Variants in SYNPR observed in about 807,000 individuals in gnomAD.
The protein encoded by SYNPR is synaptoporin.
In SYNPR, 23 loss-of-function variants were observed where a neutral mutation model predicts 32.9. That is an observed-to-expected ratio of 0.70 (90% CI 0.50 to 0.99). SYNPR has a LOEUF of 0.99. SYNPR is among the 50% of genes least tolerant of loss of function. The pLI is 0.00. For synonymous variants in SYNPR, 146 were observed against 135.9 expected (o/e 1.07, Z -0.52); for missense variants, 318 against 349.3 (o/e 0.91, Z 0.71).
rs764045608 is a variant in SYNPR, at chr3:63,556,680, C to G, written c.347C>G (p.Ala116Gly). The G allele has an allele frequency of 6.2e-7, 1 of 1,613,850 alleles. No individual in the cohort carries two copies. Among genetic ancestry groups the G allele is most frequent in the Admixed American group, 1.7e-5 (1 of 60,000 alleles). ...AVFAFLYSLAATVVYIFFQNK... is the reference protein window; with the variant it reads ...AVFAFLYSLAGTVVYIFFQNK... ...TTCGCCTTCCTCTACTCTTTGGCTG[C>G]CACTGTCGTTTACATTTTCTTCCAG... Residue 116 changes from alanine (A) to glycine (G), a missense_variant, in exon 4 of 6, where the codon GCC (alanine) becomes GGC (glycine). Physicochemically the swap from Ala to Gly is moderately conservative, Grantham distance 60 (BLOSUM62 0). Transcript: ENST00000478300.
the SYNPR span, among the ~76,000 whole-genome samples, chr3:63,219,696 T>G: frequency 6.6e-6 from 1 of 152,178 alleles, no homozygotes; most frequent in Non-Finnish European, 1.5e-5. Flanking sequence ...AAAATATTAT[T>G]TAAAATTCAT....
At position 63,461,062 on chromosome 3, in the gene SYNPR, A is replaced by G. The variant is rs1700575786; in HGVS notation, c.85-19770A>G. 2.0e-5 allele frequency among the ~76,000 whole-genome samples: 3 copies of G among 151,818 alleles called. 1 individual carries two copies. Among genetic ancestry groups the G allele is most frequent in the Admixed American group, 2.0e-4 (3 of 15,216 alleles). On this transcript the variant is annotated intron_variant, in intron 2 of 5. Coordinates refer to ENST00000478300, the MANE Select transcript of SYNPR (RefSeq NM_001130003.2). Reference sequence around the variant, plus strand: ...AGGTTTGTTTTTTTTTTACTTTGGGAGGTACCATGGGCTGCGCTTGGGCAC... The same window carrying G: ...AGGTTTGTTTTTTTTTTACTTTGGGGGGTACCATGGGCTGCGCTTGGGCAC...
intron 4 of SYNPR, among the ~76,000 whole-genome samples, chr3:63,575,651 A>G (rs1236590297): frequency 6.6e-6 from 1 of 152,170 alleles, no homozygotes; most frequent in Non-Finnish European, 1.5e-5. Flanking sequence ...CTCAAAGGAA[A>G]TTTAATCAAA....
intron 4 of SYNPR, among the ~76,000 whole-genome samples, chr3:63,597,784 T>TGGAAGTC (rs1392896707): frequency 2.6e-5 from 4 of 152,230 alleles, no homozygotes. Flanking sequence ...AGGTGCTCCC[T>TGGAAGTC]GGAAGTCAGT....
chr3:63,582,795 G>A (rs73120742), intron 4 of SYNPR, among the ~76,000 whole-genome samples: 2,096 of 152,112 alleles, frequency 0.014, 18 homozygotes, highest in Non-Finnish European at 0.022. Context: ...TTACTAGCTG[G>A]TTAACCCTGG....
chr3:63,238,376 A>G (rs1441632062), intron 1 of SYNPR, among the ~76,000 whole-genome samples: 1 of 152,000 alleles, frequency 6.6e-6, no homozygotes, highest in African/African-American at 2.4e-5. Context: ...TTCAGTTTCT[A>G]CCTGCCAGAG....
At chr3:63,545,830 T>C (rs1702392572) in intron 3 of SYNPR, among the ~76,000 whole-genome samples, 1 of 152,154 alleles carries the variant, frequency 6.6e-6, no homozygotes, top group South Asian at 2.1e-4. Flanking sequence ...TTAAAATCAA[T>C]TTGACCTAAA....
chr3:63,363,365 T>G (rs17068326), intron 2 of SYNPR, among the ~76,000 whole-genome samples: 3,715 of 152,332 alleles, frequency 0.024, 136 homozygotes, highest in African/African-American at 0.084. Flanking sequence ...CCTTTCAGGA[T>G]CAGCAAGGCT....
intron 4 of SYNPR, among the ~76,000 whole-genome samples, chr3:63,573,735 G>T (rs1432097834): frequency 1.3e-5 from 2 of 152,128 alleles, no homozygotes; most frequent in African/African-American, 2.4e-5. Flanking sequence ...CCATCTCATT[G>T]TTCTATGTCA....
chr3:63,358,898 C>T (rs542571580), intron 2 of SYNPR, among the ~76,000 whole-genome samples: 1 of 152,276 alleles, frequency 6.6e-6, no homozygotes, highest in South Asian at 2.1e-4. Flanking sequence ...GGCAGTCTGA[C>T]ATTAGAACTG....
intron 2 of SYNPR, among the ~76,000 whole-genome samples, chr3:63,332,004 G>A (rs1431917257): frequency 1.3e-5 from 2 of 152,132 alleles, no homozygotes; most frequent in Non-Finnish European, 2.9e-5. Context: ...AGTTGTCTTC[G>A]ACTGGTAGGC....
intron 4 of SYNPR, among the ~76,000 whole-genome samples, chr3:63,604,798 T>C (rs1334242431): frequency 6.6e-6 from 1 of 152,214 alleles, no homozygotes; most frequent in African/African-American, 2.4e-5. Context: ...CTTGTTGCTG[T>C]TGTAAGGGCA....
chr3:63,407,314 A>G (rs1219421257), intron 2 of SYNPR, among the ~76,000 whole-genome samples: 1 of 152,188 alleles, frequency 6.6e-6, no homozygotes, highest in Non-Finnish European at 1.5e-5. Flanking sequence ...CAAGCTCAAA[A>G]AATGCTTGAA....
chr3:63,239,856 G>T (rs2086228258), intron 1 of SYNPR, among the ~76,000 whole-genome samples: 1 of 150,566 alleles, frequency 6.6e-6, no homozygotes, highest in South Asian at 2.1e-4. Context: ...TCCCACCATT[G>T]TCAAGTGTGT....
intron 2 of SYNPR, among the ~76,000 whole-genome samples, chr3:63,323,228 A>G (rs561371705): frequency 4.6e-5 from 7 of 151,994 alleles, no homozygotes; most frequent in Non-Finnish European, 1.0e-4. Flanking sequence ...TAAGGGCATA[A>G]TACTCAAAAC....
chr3:63,588,670 G>T (rs1166813793), intron 4 of SYNPR, among the ~76,000 whole-genome samples: 1 of 151,946 alleles, frequency 6.6e-6, no homozygotes, highest in Non-Finnish European at 1.5e-5. Context: ...CAATTTTTTG[G>T]AAAGGATGCT....
At chr3:63,428,492 T>C (rs544765919) in intron 2 of SYNPR, among the ~76,000 whole-genome samples, 1 of 152,392 alleles carries the variant, frequency 6.6e-6, no homozygotes, top group South Asian at 2.1e-4. Flanking sequence ...TATGTATGCA[T>C]GTTTTATCAA....
At chr3:63,554,684 C>T (rs1006878344) in intron 3 of SYNPR, among the ~76,000 whole-genome samples, 4 of 150,944 alleles carry the variant, frequency 2.6e-5, no homozygotes, top group Non-Finnish European at 5.9e-5. Flanking sequence ...ACTGTTTTGG[C>T]TATTCAGGCT....
intron 3 of SYNPR, among the ~76,000 whole-genome samples, chr3:63,503,912 T>C (rs777971628): frequency 3.3e-5 from 5 of 152,098 alleles, no homozygotes; most frequent in Admixed American, 6.6e-5. Context: ...ATGAATAGGA[T>C]ATTGCCTTTA....
Sources: gnomAD v4.1 joint callset for allele counts (sites outside exome capture counted in the v4.1 genomes callset) on GRCh38, gnomAD v4.1.1 for gene constraint, MANE v1.5 for transcripts, NCBI Gene and HGNC (gene_info 2026-07-23, HGNC 2026-07-21) for gene names.